Variants in TENT2 observed in about 807,000 individuals in gnomAD.
TENT2 encodes the protein terminal nucleotidyltransferase 2, also known as poly(A) RNA polymerase GLD2.
Under a neutral mutation model 72.2 loss-of-function variants are expected in TENT2, and 44 were observed. That is an observed-to-expected ratio of 0.61 (90% CI 0.48 to 0.78). The LOEUF is 0.78. TENT2 is among the 30% of genes least tolerant of loss of function. TENT2 has a pLI of 0.00. For synonymous variants in TENT2, 212 were observed against 192.5 expected, an observed-to-expected ratio of 1.10 and a Z score of -0.84; for missense variants, 541 against 569.6, an observed-to-expected ratio of 0.95 and a Z score of 0.51.
intron 11 of TENT2, among the ~76,000 whole-genome samples, chr5:79,661,943 T>C (rs1487741195): frequency 1.3e-5 from 2 of 152,246 alleles, no homozygotes; most frequent in African/African-American, 4.8e-5. Flanking sequence ...GCTAAGTTTA[T>C]GTAATGTTCT....
At chr5:79,617,014 T>C (rs1760740871) in intron 1 of TENT2, among the ~76,000 whole-genome samples, 2 of 152,114 alleles carry the variant, frequency 1.3e-5, no homozygotes, top group Admixed American at 6.6e-5. Context: ...ATTTTTCTTT[T>C]TCTCCCCTGT....
chr5:79,618,536 T>C (rs1762264137), intron 1 of TENT2, among the ~76,000 whole-genome samples: 1 of 152,136 alleles, frequency 6.6e-6, no homozygotes, highest in Non-Finnish European at 1.5e-5. Flanking sequence ...ATCCGGCCCC[T>C]TTCTTTTTAA....
At chr5:79,673,900 G>A (rs965694100) in intron 12 of TENT2, among the ~76,000 whole-genome samples, 4 of 152,096 alleles carry the variant, frequency 2.6e-5, no homozygotes, top group Non-Finnish European at 5.9e-5. Context: ...ATGGAAAAGA[G>A]AAAAGGGCCA....
In TENT2 at chr5:79,669,069, T is replaced by C. The variant is rs1810803235; in HGVS notation, c.1208+41T>C. On this transcript the variant is annotated intron_variant, in intron 12 of 14. Coordinates refer to ENST00000453514, the MANE Select transcript of TENT2 (RefSeq NM_001114394.3). ...AATTGTGTTTGTTCACTTATATGTG[T>C]GTGTGTGTGTATGTATGTATATATA... 1.9e-6 allele frequency: 3 copies of C among 1,598,164 alleles called. No homozygotes were observed. The East Asian group carries it at 6.7e-5, about 36-fold the overall frequency.
chr5:79,624,821 G>A (rs1306693873), intron 4 of TENT2, among the ~76,000 whole-genome samples: 1 of 152,104 alleles, frequency 6.6e-6, no homozygotes, highest in Non-Finnish European at 1.5e-5. Context: ...ATGAATTTCT[G>A]GGTTGTTTCC....
At chr5:79,681,898 C>A in intron 13 of TENT2, 84 bp from the exon 14 acceptor site, 1 of 1,100,790 alleles carries the variant, frequency 9.1e-7, no homozygotes, top group Non-Finnish European at 1.3e-6. Context: ...AAACTGTTAA[C>A]ATATTGACAG....
At chr5:79,673,408 G>A (rs1814591963) in intron 12 of TENT2, among the ~76,000 whole-genome samples, 1 of 152,068 alleles carries the variant, frequency 6.6e-6, no homozygotes, top group African/African-American at 2.4e-5. Flanking sequence ...TTTTCTTGTG[G>A]TGGTTTCATA....
rs1478166437 is a variant in TENT2 at position 79,613,419 on chromosome 5, A to AT, written c.-38+348dup. On this transcript the variant is annotated intron_variant, in intron 1 of 14. Transcript: ENST00000453514. ...CTAAATAACACATGTGCAGTGTATG[A>AT]TTTTGTGAAGAAAGAGATTGTAACT... Among the ~76,000 whole-genome samples, 4 of 152,240 alleles carry AT rather than the reference A, an allele frequency of 2.6e-5. No individual in the cohort carries two copies. In the South Asian group the frequency reaches 6.2e-4, roughly 24 times the overall value.
intron 13 of TENT2, among the ~76,000 whole-genome samples, chr5:79,680,801 T>C (rs1394228077): frequency 2.6e-5 from 4 of 152,208 alleles, no homozygotes; most frequent in Non-Finnish European, 4.4e-5. Context: ...TTTCCTCCTT[T>C]TTCCATGCTA....
At chr5:79,637,379 C>T (rs1780959307) in intron 4 of TENT2, among the ~76,000 whole-genome samples, 1 of 152,062 alleles carries the variant, frequency 6.6e-6, no homozygotes, top group Non-Finnish European at 1.5e-5. Flanking sequence ...TTTCTTTCCT[C>T]CTGTTATTTG....
chr5:79,641,616 A>G (rs986277695), intron 6 of TENT2, among the ~76,000 whole-genome samples: 4 of 151,852 alleles, frequency 2.6e-5, no homozygotes, highest in African/African-American at 9.7e-5. Flanking sequence ...GAAAATGCTT[A>G]TTAAGGGAAA....
At chr5:79,683,779 G>GAC (rs1824170314) in intron 14 of TENT2, among the ~76,000 whole-genome samples, 1 of 150,728 alleles carries the variant, frequency 6.6e-6, no homozygotes, top group South Asian at 2.1e-4. Flanking sequence ...AATTAGCCGG[G>GAC]TGTAGTGGCG....
intron 10 of TENT2, among the ~76,000 whole-genome samples, chr5:79,652,319 T>C (rs1418423508): frequency 6.6e-6 from 1 of 152,018 alleles, no homozygotes; most frequent in African/African-American, 2.4e-5. Context: ...TATTTAATGA[T>C]ACAAGAAAAT....
At chr5:79,617,032 C>G (rs1760769219) in intron 1 of TENT2, among the ~76,000 whole-genome samples, 1 of 151,928 alleles carries the variant, frequency 6.6e-6, no homozygotes, top group Non-Finnish European at 1.5e-5. Context: ...TGTTGTCTCT[C>G]ATAGTTTTTC....
In TENT2 at chr5:79,686,596, TTCAAA is replaced by T. The variant is rs1339358386; in HGVS notation, c.*1325_*1329del. ...GCACATTTTCATTTTCTTCCTTAAG[TTCAAA>T]TTTTTGTATGATGTCAAATGCAATA... On this transcript the variant is annotated 3_prime_UTR_variant, in exon 15 of 15. Coordinates refer to ENST00000453514, the MANE Select transcript of TENT2 (RefSeq NM_001114394.3). 6.6e-6 allele frequency: 1 copy of T among 152,114 alleles called. No homozygotes were observed. Among genetic ancestry groups the T allele is most frequent in the Admixed American group, 6.5e-5 (1 of 15,270 alleles). 9.4% of individuals were successfully genotyped at this position (152,114 alleles called of 1,614,324 possible).
chr5:79,654,112 A>G (rs1442644110), intron 10 of TENT2, among the ~76,000 whole-genome samples: 1 of 152,220 alleles, frequency 6.6e-6, no homozygotes, highest in African/African-American at 2.4e-5. Flanking sequence ...GAATTGAGAA[A>G]GGATTTTAAT....
intron 1 of TENT2, among the ~76,000 whole-genome samples, chr5:79,619,225 GA>G (rs1762836171): frequency 6.6e-6 from 1 of 152,114 alleles, no homozygotes; most frequent in African/African-American, 2.4e-5. Flanking sequence ...CAAATTCTAG[GA>G]ATCAGGATGT....
chr5:79,647,934 A>G (rs1790465247), intron 8 of TENT2, among the ~76,000 whole-genome samples: 1 of 152,204 alleles, frequency 6.6e-6, no homozygotes, highest in Non-Finnish European at 1.5e-5. Flanking sequence ...ATTTGACATG[A>G]TACTGTAATT....
chr5:79,620,179 C>T, intron 3 of TENT2, 96 bp downstream of exon 3: 1 of 785,698 alleles, frequency 1.3e-6, no homozygotes, highest in Non-Finnish European at 2.0e-6. Context: ...ACCCTAAGCC[C>T]TATGTTTTGT....
Sources: allele counts gnomAD v4.1 joint callset (sites outside exome capture counted in the v4.1 genomes callset), GRCh38; gene constraint gnomAD v4.1.1; transcripts MANE v1.5; gene names NCBI Gene and HGNC (gene_info 2026-07-23, HGNC 2026-07-21).